Variants in CHSY3 observed in about 807,000 individuals in gnomAD.
The protein encoded by CHSY3 is chondroitin sulfate synthase 3.
A neutral mutation model predicts 67.2 loss-of-function variants in CHSY3; 35 were observed. The ratio of observed to expected loss-of-function variants is 0.52; its 90% confidence interval spans 0.40 to 0.69. The LOEUF is 0.69. CHSY3 is among the 30% of genes least tolerant of loss of function. The probability of loss-of-function intolerance (pLI) is 0.00; values close to 1 mark genes in which losing one functional copy is unlikely to be tolerated. For synonymous variants in CHSY3, 474 were observed against 434.7 expected, an observed-to-expected ratio of 1.09 and a Z score of -1.12; for missense variants, 1,069 against 1,138.5, an observed-to-expected ratio of 0.94 and a Z score of 0.88.
intron 2 of CHSY3, among the ~76,000 whole-genome samples, chr5:129,959,319 A>T (rs1762265168): frequency 6.6e-6 from 1 of 152,076 alleles, no homozygotes; most frequent in Admixed American, 6.6e-5. Flanking sequence ...TCTAAGCAAA[A>T]ATCTTTGCCC....
At chr5:129,938,541 G>A (rs574831601) in intron 2 of CHSY3, among the ~76,000 whole-genome samples, 11 of 152,228 alleles carry the variant, frequency 7.2e-5, no homozygotes, top group African/African-American at 2.6e-4. Context: ...ATGAGCATAT[G>A]CGGTTAGAAG....
chr5:130,174,631 AC>A (rs1225615666), intron 2 of CHSY3, among the ~76,000 whole-genome samples: 1 of 152,184 alleles, frequency 6.6e-6, no homozygotes, highest in Non-Finnish European at 1.5e-5. Flanking sequence ...TTCAACAACT[AC>A]AAAGATAACA....
At position 130,070,307 on chromosome 5, in the gene CHSY3, T is replaced by C. The variant is rs181143617; in HGVS notation, c.1087-113922T>C. Among the ~76,000 whole-genome samples, 830 of 152,276 alleles carry C rather than the reference T, an allele frequency of 5.5e-3. 27 individuals carry two copies. The highest frequency in any genetic ancestry group is 1.3e-3 in the Non-Finnish European group (91 of 68,002). ...ATGTTAAAAGAAATGATAGACATTA[T>C]ACTGAATCAAGCAATTTGAGTTTTT... On this transcript the variant is annotated intron_variant, in intron 2 of 2. Transcript: ENST00000305031.
chr5:129,916,328 G>GAGGAAACCAACT (rs1418929344), intron 2 of CHSY3, among the ~76,000 whole-genome samples: 1 of 152,136 alleles, frequency 6.6e-6, no homozygotes, highest in African/African-American at 2.4e-5. Context: ...ACCACAAATG[G>GAGGAAACCAACT]AGGAAACCAA....
In CHSY3 at chr5:129,905,591, T is replaced by C. The variant is rs1561447588; in HGVS notation, c.762T>C (p.Tyr254=). 1.2e-6 allele frequency: 2 copies of C among 1,613,664 alleles called. No homozygotes were observed. Among genetic ancestry groups the C allele is most frequent in the African/African-American group, 2.7e-5 (2 of 74,908 alleles). ...KYMHDHYLDK[Y]EWFMRADDDV... is the part of the protein sequence containing the mutation. The stretch of plus-strand genomic sequence containing the variant: ...TGCACGACCACTACCTGGACAAGTA[T>C]GAGTGGTTCATGCGCGCCGACGACG... Residue 254 remains tyrosine (Y), a synonymous_variant, in exon 1 of 3, where the codon TAT becomes TAC. Transcript: ENST00000305031.
intron 2 of CHSY3, chr5:130,140,136 G>A (rs778146420): frequency 2.7e-5 from 6 of 222,972 alleles, no homozygotes; most frequent in Non-Finnish European, 5.3e-5. Context: ...TCAGGGAAGC[G>A]GAGCCACTCC....
chr5:129,978,744 G>A (rs1254991384), intron 2 of CHSY3, among the ~76,000 whole-genome samples: 1 of 151,936 alleles, frequency 6.6e-6, no homozygotes, highest in African/African-American at 2.4e-5. Context: ...TATTATCTCA[G>A]TTTATCTAAA....
chr5:129,970,985 A>G (rs1324599207), intron 2 of CHSY3, among the ~76,000 whole-genome samples: 3 of 151,868 alleles, frequency 2.0e-5, no homozygotes, highest in Non-Finnish European at 2.9e-5. Context: ...CTATGATATT[A>G]AGGCTTATTA....
chr5:130,113,468 G>A lies in CHSY3; in HGVS notation c.1087-70761G>A, dbSNP rs182080556. ...ACTCAGAAACAAAGCTATTAAAAGA[G>A]CATTTTTAATTCATTCAAAAATTGT... On this transcript the variant is annotated intron_variant, in intron 2 of 2. Transcript: ENST00000305031. 1.9e-4 allele frequency among the ~76,000 whole-genome samples: 29 copies of A among 152,214 alleles called. No homozygotes were observed. The East Asian group carries it at 5.6e-3, about 29-fold the overall frequency.
intron 2 of CHSY3, among the ~76,000 whole-genome samples, chr5:130,010,287 G>A (rs1764017322): frequency 6.6e-6 from 1 of 151,972 alleles, no homozygotes; most frequent in African/African-American, 2.4e-5. Context: ...CCATACTCTT[G>A]GACCACAGTG....
At position 130,143,788 on chromosome 5, in the gene CHSY3, ATATATATATATATATATGTGTG is replaced by A. The variant is rs1561557245; in HGVS notation, c.1087-40423_1087-40402del. Reference sequence around the variant, plus strand: ...TGTGTGTATATATATATATGTGTATATATATATATATATATATGTGTGTATATATATATATATATATATATAT... The same window carrying A: ...TGTGTGTATATATATATATGTGTATATATATATATATATATATATATATAT... On this transcript the variant is annotated intron_variant, in intron 2 of 2. Transcript: ENST00000305031. Among the ~76,000 whole-genome samples the A allele has an allele frequency of 3.2e-3, 151 of 47,352 alleles. 7 individuals carry two copies. The highest frequency in any genetic ancestry group is 0.019 in the South Asian group (25 of 1,326). The allele number at this position is 47,352 out of a possible 152,430, so 31.1% of individuals were successfully genotyped here. A position where few individuals can be genotyped will look rare whatever the true frequency, so the allele number is the denominator to read the frequency against.
At chr5:130,105,357 A>G (rs1580737777) in intron 2 of CHSY3, among the ~76,000 whole-genome samples, 1 of 151,840 alleles carries the variant, frequency 6.6e-6, no homozygotes, top group East Asian at 1.9e-4. Context: ...CTAGGTAAGT[A>G]AAGATCGCTA....
At chr5:130,040,578 C>T (rs994307895) in intron 2 of CHSY3, among the ~76,000 whole-genome samples, 7 of 152,060 alleles carry the variant, frequency 4.6e-5, no homozygotes, top group African/African-American at 1.4e-4. Flanking sequence ...TCCTTTCTGG[C>T]TTTAATGCTT....
intron 1 of CHSY3, 181 bp downstream of exon 1, chr5:129,905,812 C>T (rs939626060): frequency 1.5e-6 from 2 of 1,327,448 alleles, no homozygotes; most frequent in South Asian, 1.6e-5. Flanking sequence ...GCCCGTTCCT[C>T]GTCTTCTGCA....
intron 2 of CHSY3, among the ~76,000 whole-genome samples, chr5:130,020,461 A>ATATATTTTTTT (rs1371121130): frequency 2.0e-4 from 16 of 79,922 alleles, no homozygotes; most frequent in Non-Finnish European, 3.1e-4. Context: ...ATATATATAT[A>ATATATTTTTTT]TTTTTTTTTT....
intron 2 of CHSY3, among the ~76,000 whole-genome samples, chr5:129,956,150 TC>T (rs1561471712): frequency 6.6e-6 from 1 of 152,126 alleles, no homozygotes; most frequent in African/African-American, 2.4e-5. Flanking sequence ...TAATTTACAC[TC>T]CCGCCAACAG....
At chr5:130,163,144 CTAAG>C (rs1421507150) in intron 2 of CHSY3, among the ~76,000 whole-genome samples, 1 of 151,716 alleles carries the variant, frequency 6.6e-6, no homozygotes, top group Non-Finnish European at 1.5e-5. Context: ...AAAGTAATGT[CTAAG>C]TTAGTTATCA....
chr5:129,981,725 G>C (rs1762990897), intron 2 of CHSY3, among the ~76,000 whole-genome samples: 2 of 152,016 alleles, frequency 1.3e-5, no homozygotes, highest in Admixed American at 1.3e-4. Context: ...TGTCTTAGTA[G>C]AGTCCCAGCA....
Position 130,178,246 on chromosome 5 carries a change from TATA to T in CHSY3, c.1087-5982_1087-5980del, listed in dbSNP as rs1394925652. Among the ~76,000 whole-genome samples, 284 of 77,850 alleles carry T rather than the reference TATA, an allele frequency of 3.6e-3. 5 individuals carry two copies. The highest frequency in any genetic ancestry group is 0.015 in the African/African-American group (275 of 17,860). The allele number at this position is 77,850 out of a possible 152,430, so 51.1% of individuals were successfully genotyped here. A position where few individuals can be genotyped will look rare whatever the true frequency, so the allele number is the denominator to read the frequency against. On this transcript the variant is annotated intron_variant, in intron 2 of 2. Transcript: ENST00000305031. ...TTATATTTATATATATATATATATA[TATA>T]TATATTTTTTTTTTTTTTTTTCCTG...
Sources: allele counts gnomAD v4.1 joint callset (sites outside exome capture counted in the v4.1 genomes callset), GRCh38; gene constraint gnomAD v4.1.1; transcripts MANE v1.5; gene names NCBI Gene and HGNC (gene_info 2026-07-23, HGNC 2026-07-21).